Variants in PSMA3 observed in about 807,000 individuals in gnomAD.
PSMA3 encodes proteasome subunit alpha type-3.
Under a neutral mutation model 40.0 loss-of-function variants are expected in PSMA3, and 8 were observed. That is an observed-to-expected ratio of 0.20 (90% confidence interval 0.12 to 0.36). PSMA3 has a LOEUF of 0.36. Ranked by LOEUF, PSMA3 falls within the 10% of genes least tolerant of loss-of-function variation. The pLI, the probability that PSMA3 is intolerant of heterozygous loss-of-function variation, is 1.00. For missense variants in PSMA3, 219 were observed against 310.6 expected (o/e 0.70, Z 2.22); for synonymous variants, 110 against 100.0 (o/e 1.10, Z -0.59).
intron 6 of PSMA3, among the ~76,000 whole-genome samples, chr14:58,262,257 TG>T (rs1181746853): frequency 1.3e-5 from 2 of 152,170 alleles, no homozygotes; most frequent in Non-Finnish European, 2.9e-5. Flanking sequence ...CGTCTCGCTC[TG>T]TCACCCAGAC....
At chr14:58,256,432 T>TG (rs946844336) in intron 3 of PSMA3, among the ~76,000 whole-genome samples, 1 of 151,040 alleles carries the variant, frequency 6.6e-6, no homozygotes, top group Non-Finnish European at 1.5e-5. Flanking sequence ...TTTTTTTTTT[T>TG]GAGATGGAGT....
chr14:58,247,746 T>G lies in PSMA3; in HGVS notation c.22-4T>G. The G allele has an allele frequency of 6.3e-7, 1 of 1,586,258 alleles. No homozygotes were observed. The highest frequency in any genetic ancestry group is 8.6e-7 in the Non-Finnish European group (1 of 1,158,436). On this transcript the variant is annotated splice_polypyrimidine_tract_variant and splice_region_variant and intron_variant, in intron 1 of 10. Transcript: ENST00000216455. Reference sequence around the variant, plus strand: ...AAGCTTACTGTTGCCCTTTTCTCCTTAAGTATGACCTGTCAGCCTCTACAT... The same window carrying G: ...AAGCTTACTGTTGCCCTTTTCTCCTGAAGTATGACCTGTCAGCCTCTACAT...
intron 7 of PSMA3, chr14:58,266,975 A>C (rs1594832858): frequency 6.6e-6 from 1 of 152,100 alleles, no homozygotes; most frequent in African/African-American, 2.4e-5. Context: ...AGGTTATCTC[A>C]GAATATCTTT....
At chr14:58,266,532 G>C (rs1170249360) in intron 7 of PSMA3, 3 of 152,130 alleles carry the variant, frequency 2.0e-5, no homozygotes, top group African/African-American at 7.2e-5. Flanking sequence ...ACAACATACA[G>C]ACTCCTCAGC....
rs751605663 is a variant in PSMA3 at position 58,257,733 on chromosome 14, CT to C, written c.229-4del. On this transcript the variant is annotated splice_polypyrimidine_tract_variant and intron_variant, in intron 3 of 10. Transcript: ENST00000216455. ...AATGTGTTCCTCTAGTAAATTGGTGCTTTTTTTTCAGGCAGTAGCAGGTTTG... is the reference window on the plus strand; with the variant it reads ...AATGTGTTCCTCTAGTAAATTGGTGCTTTTTTTCAGGCAGTAGCAGGTTTG... 46 of 1,596,600 alleles carry C rather than the reference CT, an allele frequency of 2.9e-5. No individual in the cohort carries two copies. Among genetic ancestry groups the C allele is most frequent in the Admixed American group, 5.0e-5 (3 of 59,698 alleles).
intron 3 of PSMA3, among the ~76,000 whole-genome samples, chr14:58,252,965 A>ATATCAATG (rs1890047099): frequency 6.6e-6 from 1 of 151,318 alleles, no homozygotes; most frequent in Non-Finnish European, 1.5e-5. Flanking sequence ...AGTGAAGGTT[A>ATATCAATG]TATCAATGTC....
chr14:58,247,944 A>G, intron 2 of PSMA3, 112 bp downstream of exon 2: 2 of 647,582 alleles, frequency 3.1e-6, no homozygotes, highest in East Asian at 5.7e-5. Flanking sequence ...CCAAATCTCA[A>G]TTTATTCATT....
At chr14:58,245,129 C>A in intron 1 of PSMA3, 188 bp downstream of exon 1, 1 of 668,202 alleles carries the variant, frequency 1.5e-6, no homozygotes, top group Non-Finnish European at 2.6e-6. Flanking sequence ...TCTCAGGTGA[C>A]CGTGACTCCT....
At chr14:58,256,244 A>G (rs746910612) in intron 3 of PSMA3, among the ~76,000 whole-genome samples, 2 of 152,162 alleles carry the variant, frequency 1.3e-5, no homozygotes, top group Non-Finnish European at 2.9e-5. Flanking sequence ...AAGATTTGCG[A>G]TTGTGCCTTT....
chr14:58,246,810 C>T (rs1273398775), intron 1 of PSMA3, among the ~76,000 whole-genome samples: 2 of 152,302 alleles, frequency 1.3e-5, no homozygotes, highest in African/African-American at 2.4e-5. Flanking sequence ...CTTATCTTTG[C>T]TTCTGTTGTT....
chr14:58,263,721 C>T lies in PSMA3; in HGVS notation c.494C>T (p.Ala165Val), dbSNP rs144791534. 247 of 1,613,298 alleles carry T rather than the reference C, an allele frequency of 1.5e-4. No individual in the cohort carries two copies. The highest frequency in any genetic ancestry group is 2.0e-4 in the Non-Finnish European group (241 of 1,179,694). ...TCTAAATAGGGTTATTGGGGCTGTG[C>T]CATCGGCAAAGCCAGGCAAGCTGCA... Reference protein sequence around the residue: ...SGVSYGYWGCAIGKARQAAKT... With the variant: ...SGVSYGYWGCVIGKARQAAKT... Residue 165 changes from alanine (A) to valine (V), a missense_variant, in exon 7 of 11, where the codon GCC becomes GTC. By Grantham distance (64) the Ala-to-Val change is moderately conservative. Coordinates refer to ENST00000216455, the MANE Select transcript of PSMA3 (RefSeq NM_002788.4).
chr14:58,266,690 A>G (rs1890452635), intron 7 of PSMA3: 3 of 152,216 alleles, frequency 2.0e-5, no homozygotes, highest in South Asian at 2.1e-4. Context: ...TCTATATTCT[A>G]AGAACCTGCT....
At chr14:58,255,352 C>CT (rs796803928) in intron 3 of PSMA3, among the ~76,000 whole-genome samples, 14 of 152,268 alleles carry the variant, frequency 9.2e-5, no homozygotes, top group African/African-American at 3.1e-4. Context: ...ACAGTACTTA[C>CT]TTTTTTTCAC....
chr14:58,270,229 G>C (rs141644027), intron 8 of PSMA3, 189 bp from the exon 9 acceptor site: 3 of 801,740 alleles, frequency 3.7e-6, no homozygotes, highest in East Asian at 3.2e-5. Context: ...GAGAGTAGAT[G>C]TTTCATTTTA....
In PSMA3 at chr14:58,244,861, GTGGTATAGGGGAAGCGCTCCGGGCC is replaced by G; in HGVS notation, c.-56_-32del. On this transcript the variant is annotated 5_prime_UTR_variant, in exon 1 of 11. Transcript: ENST00000216455. ...GCCTGTTACTAGTTTGCGGCATCCT[GTGGTATAGGGGAAGCGCTCCGGGCC>G]TGGAATCCCTACGCGTCCCTTTGGG... The G allele has an allele frequency of 6.2e-7, 1 of 1,613,372 alleles. No homozygotes were observed. The highest frequency in any genetic ancestry group is 8.5e-7 in the Non-Finnish European group (1 of 1,179,266).
intron 3 of PSMA3, among the ~76,000 whole-genome samples, chr14:58,255,785 C>G (rs1035060297): frequency 2.0e-5 from 3 of 152,166 alleles, no homozygotes; most frequent in Admixed American, 1.3e-4. Context: ...AAAAGATATG[C>G]CACACTAACA....
Position 58,261,516 on chromosome 14 carries a change from G to C in PSMA3, c.477+496G>C, listed in dbSNP as rs1179269955. ...CATTAATAACTGATACGAGGCAGAGGAAAGATTTTTTTTCAGTATGTTATT... is the reference window on the plus strand; with the variant it reads ...CATTAATAACTGATACGAGGCAGAGCAAAGATTTTTTTTCAGTATGTTATT... On this transcript the variant is annotated intron_variant, in intron 6 of 10. Coordinates refer to ENST00000216455, the MANE Select transcript of PSMA3 (RefSeq NM_002788.4). Among the ~76,000 whole-genome samples, 3 of 152,114 alleles carry C rather than the reference G, an allele frequency of 2.0e-5. No homozygotes were observed. In the East Asian group the frequency reaches 5.8e-4, roughly 29 times the overall value.
chr14:58,261,344 A>AT lies in PSMA3; in HGVS notation c.477+332dup, dbSNP rs200970606. 2.9e-3 allele frequency among the ~76,000 whole-genome samples: 435 copies of AT among 151,582 alleles called. 3 individuals carry two copies. The highest frequency in any genetic ancestry group is 9.2e-3 in the African/African-American group (381 of 41,294). On this transcript the variant is annotated intron_variant, in intron 6 of 10. Transcript: ENST00000216455. ...ATTACAGGTGTGCACCACCTGGCTA[A>AT]TTTTTTTTATTTTTAGTAGAAACAG...
chr14:58,247,261 G>A (rs181788272), intron 1 of PSMA3, among the ~76,000 whole-genome samples: 29 of 152,224 alleles, frequency 1.9e-4, no homozygotes, highest in Non-Finnish European at 3.8e-4. Flanking sequence ...ATTTACTGCT[G>A]TACCTCTAGC....
Sources: gnomAD v4.1 joint callset for allele counts (sites outside exome capture counted in the v4.1 genomes callset) on GRCh38, gnomAD v4.1.1 for gene constraint, MANE v1.5 for transcripts, NCBI Gene and HGNC (gene_info 2026-07-23, HGNC 2026-07-21) for gene names.